ARF4: variants seen among roughly 807,000 people sequenced by gnomAD.
ARF4 encodes the protein ADP-ribosylation factor 4.
Under a neutral mutation model 24.3 loss-of-function variants are expected in ARF4, and 5 were observed. The ratio of observed to expected loss-of-function variants is 0.21; its 90% CI spans 0.11 to 0.43. The LOEUF (loss-of-function observed/expected upper bound fraction) is 0.43, where lower values mean the gene tolerates loss of function less well. ARF4 is among the 20% of genes least tolerant of loss of function. The probability of loss-of-function intolerance (pLI) is 1.00; values close to 1 mark genes in which losing one functional copy is unlikely to be tolerated. For missense variants in ARF4, 107 were observed against 213.0 expected, an observed-to-expected ratio of 0.50 and a Z score of 3.10; for synonymous variants, 62 against 73.5, an observed-to-expected ratio of 0.84 and a Z score of 0.80.
rs2069987192 is a variant in ARF4 at position 57,582,499 on chromosome 3, C to CCAAA, written c.258+1395_258+1398dup. ...CTCGTGATCCGCCCGCCTCAGCCTC[C>CCAAA]CAAAGTGCTGGGATCACAGGCATGA... is the stretch of plus-strand genomic sequence containing the variant. On this transcript the variant is annotated intron_variant, in intron 3 of 5. Transcript: ENST00000303436. Among the ~76,000 whole-genome samples the CCAAA allele has an allele frequency of 1.3e-5, 2 of 152,100 alleles. 1 individual carries two copies. The highest frequency in any genetic ancestry group is 4.2e-4 in the South Asian group (2 of 4,814).
intron 4 of ARF4, among the ~76,000 whole-genome samples, chr3:57,577,107 C>T (rs2069915084): frequency 1.3e-5 from 2 of 151,066 alleles, no homozygotes; most frequent in Non-Finnish European, 2.9e-5. Flanking sequence ...ACTGAAGTAG[C>T]TACTCTTCCA....
chr3:57,572,142 A>C lies in ARF4; in HGVS notation c.*70T>G. On this transcript the variant is annotated 3_prime_UTR_variant, in exon 6 of 6. Coordinates refer to ENST00000303436, the MANE Select transcript of ARF4 (RefSeq NM_001660.4). ...GATACTGTTTAATAACCAAGATACA[A>C]ACTAATTTTGTTGTAACAAGCCTAG... 1.6e-6 allele frequency: 2 copies of C among 1,235,990 alleles called. No homozygotes were observed. The highest frequency in any genetic ancestry group is 4.6e-5 in the East Asian group (2 of 43,120). 76.6% of individuals were successfully genotyped at this position (1,235,990 alleles called of 1,614,324 possible).
At chr3:57,578,861 TG>T (rs2153408631) in intron 3 of ARF4, among the ~76,000 whole-genome samples, 1 of 148,360 alleles carries the variant, frequency 6.7e-6, no homozygotes, top group Non-Finnish European at 1.5e-5. Flanking sequence ...AACTTTCAAA[TG>T]GGAAAGTATA....
intron 1 of ARF4, among the ~76,000 whole-genome samples, chr3:57,596,199 T>C (rs759024797): frequency 3.3e-5 from 5 of 152,062 alleles, no homozygotes; most frequent in Non-Finnish European, 5.9e-5. Flanking sequence ...AAGTCAACTT[T>C]CTAAAAAGAA....
chr3:57,591,046 C>T (rs959485192), intron 1 of ARF4, among the ~76,000 whole-genome samples: 4 of 152,170 alleles, frequency 2.6e-5, no homozygotes, highest in Non-Finnish European at 5.9e-5. Context: ...ATGTCCCCCA[C>T]AGTCACAGAA....
chr3:57,577,699 T>C lies in ARF4; in HGVS notation c.259-312A>G, dbSNP rs530065633. 3.3e-5 allele frequency among the ~76,000 whole-genome samples: 5 copies of C among 152,150 alleles called. No homozygotes were observed. The South Asian group carries it at 8.3e-4, about 25-fold the overall frequency. On this transcript the variant is annotated intron_variant, in intron 3 of 5. Transcript: ENST00000303436. ...TCACATTTAAGTGCAGGTACCAAAATAGCCACAAAGTAGGAACAAAAAGAA... is the reference window on the plus strand; with the variant it reads ...TCACATTTAAGTGCAGGTACCAAAACAGCCACAAAGTAGGAACAAAAAGAA...
At chr3:57,588,294 GTCAC>G (rs1303433953) in intron 1 of ARF4, among the ~76,000 whole-genome samples, 20 of 152,348 alleles carry the variant, frequency 1.3e-4, no homozygotes, top group African/African-American at 4.8e-4. Flanking sequence ...TGGCCAGGCA[GTCAC>G]TCACACCTGT....
Position 57,597,233 on chromosome 3 carries a change from A to C in ARF4, c.-93T>G. 5.6e-6 allele frequency: 7 copies of C among 1,253,898 alleles called. No homozygotes were observed. The highest frequency in any genetic ancestry group is 1.5e-5 in the African/African-American group (1 of 67,084). 77.7% of individuals were successfully genotyped at this position (1,253,898 alleles called of 1,614,324 possible). A position where few individuals can be genotyped will look rare whatever the true frequency, so the allele number is the denominator to read the frequency against. On this transcript the variant is annotated 5_prime_UTR_variant, in exon 1 of 6. Transcript: ENST00000303436. ...CAAGCTCCCAGGCAAACTAAACGAG[A>C]GGGAAGAGAAAGAGCGGAGGAAGAA...
chr3:57,577,312 T>G lies in ARF4; in HGVS notation c.330+4A>C. 1 of 1,611,114 alleles carries G rather than the reference T, an allele frequency of 6.2e-7. No homozygotes were observed. Reference sequence around the variant, plus strand: ...AAATGATGAATTTAAAGTATATTTCTTACCATTTTCTGCAGCTCATCTGCT... The same window carrying G: ...AAATGATGAATTTAAAGTATATTTCGTACCATTTTCTGCAGCTCATCTGCT... On this transcript the variant is annotated splice_donor_region_variant and intron_variant, in intron 4 of 5. Coordinates refer to ENST00000303436, the MANE Select transcript of ARF4 (RefSeq NM_001660.4).
At chr3:57,589,350 C>T (rs1386665798) in intron 1 of ARF4, among the ~76,000 whole-genome samples, 1 of 152,088 alleles carries the variant, frequency 6.6e-6, no homozygotes. Flanking sequence ...ATCCCTTGAG[C>T]CCAGGGGATC....
chr3:57,594,314 TGGCCTC>T (rs1306366765), intron 1 of ARF4, among the ~76,000 whole-genome samples: 1 of 152,244 alleles, frequency 6.6e-6, no homozygotes, highest in Admixed American at 6.5e-5. Context: ...TTGACCAGGC[TGGCCTC>T]AATGTGATCC....
chr3:57,575,414 A>G (rs958344481), intron 5 of ARF4, 134 bp downstream of exon 5: 31 of 890,784 alleles, frequency 3.5e-5, no homozygotes, highest in Non-Finnish European at 4.3e-5. Context: ...GTTTATTACC[A>G]TATTTTTAAA....
chr3:57,582,019 G>A (rs2069979022), intron 3 of ARF4, among the ~76,000 whole-genome samples: 1 of 152,062 alleles, frequency 6.6e-6, no homozygotes, highest in East Asian at 1.9e-4. Flanking sequence ...GGAGTATATC[G>A]GATTTTGGAT....
Position 57,589,561 on chromosome 3 carries a change from T to C in ARF4, c.68-5097A>G, listed in dbSNP as rs2070081075. On this transcript the variant is annotated intron_variant, in intron 1 of 5. Transcript: ENST00000303436. ...GGTGAAACCCAGTCTCTACTAAAAA[T>C]ACAAAAATTAGCTAGGCGTGGTGGC... Among the ~76,000 whole-genome samples, 6 of 147,566 alleles carry C rather than the reference T, an allele frequency of 4.1e-5. No homozygotes were observed. In the South Asian group the frequency reaches 6.4e-4, roughly 16 times the overall value.
intron 1 of ARF4, 59 bp downstream of exon 1, chr3:57,597,010 GCCACC>G: frequency 6.4e-7 from 1 of 1,566,960 alleles, no homozygotes; most frequent in Non-Finnish European, 8.8e-7. Context: ...AGGCCCAGAG[GCCACC>G]CCAATTGTGG....
intron 3 of ARF4, among the ~76,000 whole-genome samples, chr3:57,582,658 C>A (rs371190013): frequency 4.1e-4 from 62 of 152,240 alleles, no homozygotes; most frequent in African/African-American, 1.5e-3. Flanking sequence ...TGGCAATAAA[C>A]CCCACTTGTA....
intron 3 of ARF4, 66 bp downstream of exon 3, chr3:57,583,832 A>G: frequency 4.6e-6 from 5 of 1,085,442 alleles, no homozygotes; most frequent in Non-Finnish European, 6.9e-6. Context: ...AATACTAGAT[A>G]CTAATAAAAA....
chr3:57,581,129 A>G (rs1016090901), intron 3 of ARF4, among the ~76,000 whole-genome samples: 15 of 152,244 alleles, frequency 9.9e-5, no homozygotes, highest in African/African-American at 3.4e-4. Context: ...TTGGAATTAT[A>G]AGAGGAATTT....
At chr3:57,584,538 T>G in intron 1 of ARF4, 74 bp from the exon 2 acceptor site, 1 of 1,340,812 alleles carries the variant, frequency 7.5e-7, no homozygotes, top group Non-Finnish European at 1.1e-6. Context: ...AATAAATTTA[T>G]AGTTCAAAAC....
Sources: allele counts gnomAD v4.1 joint callset (sites outside exome capture counted in the v4.1 genomes callset), GRCh38; gene constraint gnomAD v4.1.1; transcripts MANE v1.5; gene names NCBI Gene and HGNC (gene_info 2026-07-23, HGNC 2026-07-21).